Variants in PTPRO observed in about 807,000 individuals in gnomAD.
PTPRO encodes the protein receptor-type tyrosine-protein phosphatase O.
PTPRO carries 62 observed loss-of-function variants against 145.2 expected under a neutral mutation model. The ratio of observed to expected loss-of-function variants is 0.43; its 90% confidence interval spans 0.35 to 0.53. The LOEUF (loss-of-function observed/expected upper bound fraction) is 0.53. Ranked by LOEUF, PTPRO falls within the 20% of genes least tolerant of loss-of-function variation. PTPRO has a pLI of 0.01. For missense variants in PTPRO, 1,345 were observed against 1,482.7 expected (o/e 0.91, Z 1.53); for synonymous variants, 565 against 514.7 (o/e 1.10, Z -1.32).
chr12:15,575,597 C>T (rs1402811367), intron 19 of PTPRO, among the ~76,000 whole-genome samples: 2 of 152,230 alleles, frequency 1.3e-5, no homozygotes, highest in African/African-American at 4.8e-5. Context: ...CTTTCCAAGA[C>T]CTGTATGCTT....
At chr12:15,395,229 G>A (rs1056015903) in intron 1 of PTPRO, among the ~76,000 whole-genome samples, 6 of 152,102 alleles carry the variant, frequency 3.9e-5, no homozygotes, top group African/African-American at 7.2e-5. Context: ...GTAGGATCAC[G>A]GCAGGGTGAG....
At chr12:15,335,289 A>AGG in intron 1 of PTPRO, among the ~76,000 whole-genome samples, 1 of 152,226 alleles carries the variant, frequency 6.6e-6, no homozygotes, top group East Asian at 1.9e-4. Flanking sequence ...TAAGTTGATT[A>AGG]ATAAGATAAA....
chr12:15,598,103 G>A lies in PTPRO; in HGVS notation c.*2030G>A, dbSNP rs2135690408. On this transcript the variant is annotated 3_prime_UTR_variant, in exon 27 of 27. Transcript: ENST00000281171. ...CCTTTCAAGGTAGGGATCAAATAGT[G>A]CCAGATCAATTTTCCCAAAAGGAAA... Among the ~76,000 whole-genome samples, 1 of 152,246 alleles carries A rather than the reference G, an allele frequency of 6.6e-6. No individual in the cohort carries two copies. The highest frequency in any genetic ancestry group is 1.9e-4 in the East Asian group (1 of 5,174).
chr12:15,526,404 CA>C, intron 12 of PTPRO, 142 bp downstream of exon 12: 1 of 1,132,274 alleles, frequency 8.8e-7, no homozygotes, highest in Non-Finnish European at 1.3e-6. Context: ...TTTGTACTAG[CA>C]AAAGGGTATG....
intron 23 of PTPRO, among the ~76,000 whole-genome samples, chr12:15,585,635 C>T (rs983872962): frequency 3.9e-5 from 6 of 152,138 alleles, no homozygotes; most frequent in Admixed American, 1.3e-4. Context: ...CTTTCAATAC[C>T]TGAACTTAAA....
chr12:15,343,434 C>A (rs1867074676), intron 1 of PTPRO, among the ~76,000 whole-genome samples: 1 of 151,934 alleles, frequency 6.6e-6, no homozygotes, highest in South Asian at 2.1e-4. Context: ...TGTCTATAAT[C>A]TCAGCATTTT....
intron 1 of PTPRO, among the ~76,000 whole-genome samples, chr12:15,357,239 G>A (rs1349644074): frequency 1.3e-5 from 2 of 152,182 alleles, no homozygotes; most frequent in East Asian, 1.9e-4. Flanking sequence ...TATTCTGACT[G>A]CTACTGTCAT....
intron 1 of PTPRO, among the ~76,000 whole-genome samples, chr12:15,401,932 AAATGGTCT>A (rs1939505924): frequency 6.6e-6 from 1 of 152,254 alleles, no homozygotes; most frequent in African/African-American, 2.4e-5. Flanking sequence ...TTAAACGCAG[AAATGGTCT>A]AACATTTTAT....
chr12:15,352,649 C>CA (rs71042243), intron 1 of PTPRO, among the ~76,000 whole-genome samples: 58 of 100,338 alleles, frequency 5.8e-4, no homozygotes, highest in African/African-American at 2.1e-3. Context: ...GACTCTGTCT[C>CA]AAAAAAAAAA....
At chr12:15,442,195 T>C (rs1377048019) in intron 1 of PTPRO, among the ~76,000 whole-genome samples, 1 of 152,130 alleles carries the variant, frequency 6.6e-6, no homozygotes, top group African/African-American at 2.4e-5. Context: ...GCTGATTCAA[T>C]GTACACAAAT....
chr12:15,473,768 CAAAAAAAAAAAA>C (rs11340085), intron 1 of PTPRO, among the ~76,000 whole-genome samples: 2 of 65,570 alleles, frequency 3.1e-5, no homozygotes. Context: ...GACTCCATCT[CAAAAAAAAAAAA>C]AAAAAAAAAA....
intron 16 of PTPRO, among the ~76,000 whole-genome samples, chr12:15,558,384 A>G (rs966372522): frequency 6.6e-6 from 1 of 152,170 alleles, no homozygotes; most frequent in African/African-American, 2.4e-5. Context: ...ACATGGCTTC[A>G]TTTTTCTTTA....
rs74573329 is a variant in PTPRO at position 15,584,076 on chromosome 12, G to A, written c.3255+2275G>A. On this transcript the variant is annotated intron_variant, in intron 23 of 26. Transcript: ENST00000281171. The stretch of plus-strand genomic sequence containing the variant: ...ACACCGTTAGCCCATTCCTTCTCTG[G>A]GGCAGAGTCTTAAGTAAGCTGCTTT... Among the ~76,000 whole-genome samples the A allele has an allele frequency of 5.0e-3, 762 of 152,168 alleles. 4 individuals carry two copies. The highest frequency in any genetic ancestry group is 0.018 in the African/African-American group (733 of 41,480).
At chr12:15,560,889 T>C (rs1943756149) in intron 17 of PTPRO, among the ~76,000 whole-genome samples, 1 of 152,158 alleles carries the variant, frequency 6.6e-6, no homozygotes, top group African/African-American at 2.4e-5. Flanking sequence ...GGTTCCAAAC[T>C]CAGGTCTCTC....
intron 7 of PTPRO, among the ~76,000 whole-genome samples, chr12:15,513,384 T>A (rs944003814): frequency 2.6e-5 from 4 of 151,940 alleles, no homozygotes. Context: ...ATCTAAAACT[T>A]GTGCAAGAAA....
chr12:15,566,811 G>A (rs1330608888), intron 18 of PTPRO, among the ~76,000 whole-genome samples: 2 of 152,218 alleles, frequency 1.3e-5, no homozygotes, highest in Non-Finnish European at 2.9e-5. Context: ...ATGAGGCACC[G>A]TGTCCAGCCT....
At chr12:15,514,070 A>G (rs1031523474) in intron 7 of PTPRO, among the ~76,000 whole-genome samples, 1 of 152,202 alleles carries the variant, frequency 6.6e-6, no homozygotes, top group South Asian at 2.1e-4. Context: ...GTGTGCCAAC[A>G]TTCAAATTTA....
intron 1 of PTPRO, among the ~76,000 whole-genome samples, chr12:15,422,920 C>T (rs767571383): frequency 3.9e-5 from 6 of 152,280 alleles, no homozygotes; most frequent in East Asian, 1.9e-4. Context: ...ATGAGATTGT[C>T]ACATCTATCA....
chr12:15,378,991 C>T (rs1170719047), intron 1 of PTPRO, among the ~76,000 whole-genome samples: 1 of 151,974 alleles, frequency 6.6e-6, no homozygotes, highest in Admixed American at 6.6e-5. Flanking sequence ...AACTTTATAC[C>T]CACTGGGGAC....
Sources: allele counts gnomAD v4.1 joint callset (sites outside exome capture counted in the v4.1 genomes callset), GRCh38; gene constraint gnomAD v4.1.1; transcripts MANE v1.5; gene names NCBI Gene and HGNC (gene_info 2026-07-23, HGNC 2026-07-21).